The following CIBAR1 variants were observed in gnomAD, a reference collection of about 807,000 sequenced individuals.
CIBAR1 encodes the protein CBY1-interacting BAR domain-containing protein 1.
Under a neutral mutation model 44.0 loss-of-function variants are expected in CIBAR1, and 25 were observed. The ratio of observed to expected loss-of-function variants is 0.57; its 90% CI spans 0.41 to 0.79. CIBAR1 has a LOEUF of 0.79. CIBAR1 is among the 30% of genes least tolerant of loss of function. The probability of loss-of-function intolerance (pLI) is 0.00; values close to 1 mark genes in which losing one functional copy is unlikely to be tolerated. For synonymous variants in CIBAR1, 115 were observed against 119.0 expected (o/e 0.97, Z 0.22); for missense variants, 278 against 344.8 (o/e 0.81, Z 1.53).
chr8:93,703,398 G>A (rs749237026), intron 2 of CIBAR1, among the ~76,000 whole-genome samples: 21 of 152,128 alleles, frequency 1.4e-4, no homozygotes, highest in Non-Finnish European at 3.1e-4. Flanking sequence ...GTAATCCTAA[G>A]ATGATGATGT....
At chr8:93,703,260 T>G (rs1319797419) in intron 2 of CIBAR1, among the ~76,000 whole-genome samples, 1 of 152,218 alleles carries the variant, frequency 6.6e-6, no homozygotes, top group African/African-American at 2.4e-5. Flanking sequence ...TCTGAAAAGT[T>G]GAGCTATTAC....
intron 4 of CIBAR1, chr8:93,705,447 C>G (rs1810541831): frequency 6.2e-6 from 1 of 161,168 alleles, no homozygotes; most frequent in Non-Finnish European, 1.3e-5. Flanking sequence ...TATGTGACAT[C>G]ATGACTTCCA....
chr8:93,701,603 G>T, intron 2 of CIBAR1, 145 bp downstream of exon 2: 1 of 693,598 alleles, frequency 1.4e-6, no homozygotes, highest in Non-Finnish European at 2.5e-6. Context: ...AAGACTGTGT[G>T]AGTCTATTAA....
intron 8 of CIBAR1, 51 bp from the exon 9 acceptor site, chr8:93,728,154 A>C: frequency 8.4e-7 from 1 of 1,197,068 alleles, no homozygotes; most frequent in Non-Finnish European, 1.1e-6. Context: ...AGAATGTAAA[A>C]TTTTTTTAAG....
intron 7 of CIBAR1, chr8:93,720,837 C>T (rs1349332577): frequency 2.6e-5 from 4 of 152,018 alleles, no homozygotes; most frequent in Admixed American, 6.6e-5. Flanking sequence ...TGCCACTGCA[C>T]TCTAGCCTGG....
chr8:93,709,536 G>GT (rs932923894), intron 5 of CIBAR1, among the ~76,000 whole-genome samples: 13 of 152,200 alleles, frequency 8.5e-5, no homozygotes, highest in African/African-American at 3.1e-4. Flanking sequence ...TTTGGGGGTA[G>GT]TTTTTGTTCT....
At chr8:93,727,651 GACAA>G (rs1042697681) in intron 8 of CIBAR1, among the ~76,000 whole-genome samples, 1 of 152,120 alleles carries the variant, frequency 6.6e-6, no homozygotes, top group Non-Finnish European at 1.5e-5. Context: ...CCCCAATACT[GACAA>G]ACAACAGTGT....
At chr8:93,700,700 G>T in intron 1 of CIBAR1, 27 bp downstream of exon 1, 1 of 1,495,562 alleles carries the variant, frequency 6.7e-7, no homozygotes, top group Non-Finnish European at 8.9e-7. Context: ...AGCTGCCCAG[G>T]GCCGCCCACA....
rs1461472982 is a variant in CIBAR1, at chr8:93,730,616, G to A, written c.*2319G>A. The A allele has an allele frequency of 6.6e-6, 1 of 152,074 alleles. No homozygotes were observed. Among genetic ancestry groups the A allele is most frequent in the Non-Finnish European group, 1.5e-5 (1 of 68,016 alleles). The allele number at this position is 152,074 out of a possible 1,614,324, so 9.4% of individuals were successfully genotyped here. On this transcript the variant is annotated 3_prime_UTR_variant, in exon 9 of 9. Transcript: ENST00000518322. ...TGAGGTGCTGGGAAGCTGGCTTTCTGAGGGGACAACAGGAGGGGAATTCCT... is the reference window on the plus strand; with the variant it reads ...TGAGGTGCTGGGAAGCTGGCTTTCTAAGGGGACAACAGGAGGGGAATTCCT...
intron 5 of CIBAR1, among the ~76,000 whole-genome samples, chr8:93,709,037 G>A (rs909676022): frequency 6.6e-6 from 1 of 152,136 alleles, no homozygotes; most frequent in Non-Finnish European, 1.5e-5. Flanking sequence ...CCTGCACTTC[G>A]GGAGGCTGAG....
intron 7 of CIBAR1, among the ~76,000 whole-genome samples, chr8:93,725,056 C>T (rs1254011332): frequency 1.3e-5 from 2 of 152,090 alleles, no homozygotes. Flanking sequence ...GATCTTGGCT[C>T]ACTGCAACCT....
chr8:93,711,459 G>A (rs1357058449), intron 6 of CIBAR1, among the ~76,000 whole-genome samples: 4 of 151,858 alleles, frequency 2.6e-5, no homozygotes, highest in Non-Finnish European at 5.9e-5. Flanking sequence ...TTAGTCACAG[G>A]CTCTGTACTC....
Position 93,703,676 on chromosome 8 carries a change from G to A in CIBAR1, c.318G>A (p.Val106=). The A allele has an allele frequency of 6.4e-7, 1 of 1,552,960 alleles. No individual in the cohort carries two copies. Among genetic ancestry groups the A allele is most frequent in the Middle Eastern group, 1.7e-4 (1 of 5,960 alleles). ...VEPLKTYGTI[V]KMKRDDLKAT... ...CCTTGAAAACTTATGGGACCATTGT[G>A]AAAATGAAACGGGTAAGTAAATCCA... The change falls in exon 3 of 9, where the codon GTG becomes GTA. Residue 106 remains valine, a synonymous_variant. Coordinates refer to ENST00000518322, the MANE Select transcript of CIBAR1 (RefSeq NM_145269.5).
At position 93,728,613 on chromosome 8, in the gene CIBAR1, A is replaced by G. The variant is rs572854361; in HGVS notation, c.*316A>G. 6.3e-5 allele frequency: 11 copies of G among 175,944 alleles called. No individual in the cohort carries two copies. The East Asian group carries it at 1.7e-3, about 27-fold the overall frequency. The allele number at this position is 175,944 out of a possible 1,614,324, so 10.9% of individuals were successfully genotyped here. A position where few individuals can be genotyped will look rare whatever the true frequency, so the allele number is the denominator to read the frequency against. ...CAATAGTACATTATGACAGAAACCA[A>G]AAGATCTAACAATTCTGCTTAGCTT... On this transcript the variant is annotated 3_prime_UTR_variant, in exon 9 of 9. Coordinates refer to ENST00000518322, the MANE Select transcript of CIBAR1 (RefSeq NM_145269.5).
In CIBAR1 at chr8:93,709,808, G is replaced by A. The variant is rs1454751502; in HGVS notation, c.476G>A (p.Ser159Asn). Residue 159 changes from serine (S) to asparagine (N), a missense_variant, in exon 6 of 9, where the codon AGC becomes AAC. Around this residue, in one of 3 missense-constraint regions of CIBAR1, gnomAD observed 183 missense variants for 218.6 expected, o/e 0.84. Transcript: ENST00000518322. ...TELQRAAMDA[S>N]RTSRHLEETI... The stretch of plus-strand genomic sequence containing the variant: ...TTACAGAGAGCTGCAATGGATGCTA[G>A]CCGAACAAGTCGTCATCTGGAGGAA... The A allele has an allele frequency of 2.5e-6, 4 of 1,613,362 alleles. No homozygotes were observed. Among genetic ancestry groups the A allele is most frequent in the African/African-American group, 2.7e-5 (2 of 74,880 alleles).
chr8:93,717,077 G>A (rs1484165998), intron 6 of CIBAR1, among the ~76,000 whole-genome samples: 1 of 152,210 alleles, frequency 6.6e-6, no homozygotes, highest in Non-Finnish European at 1.5e-5. Flanking sequence ...TGGGACACCT[G>A]GACCCAAGGG....
At chr8:93,709,713 A>G in intron 5 of CIBAR1, 58 bp from the exon 6 acceptor site, 4 of 1,437,846 alleles carry the variant, frequency 2.8e-6, no homozygotes, top group Non-Finnish European at 3.9e-6. Flanking sequence ...AGTAGGCTCA[A>G]TTGAATGAAT....
chr8:93,701,731 G>C (rs1810366017), intron 2 of CIBAR1: 1 of 447,492 alleles, frequency 2.2e-6, no homozygotes, highest in South Asian at 2.7e-5. Context: ...TGTTTACTGG[G>C]GGTAGTGGGA....
At chr8:93,704,804 G>A (rs1810514939) in intron 3 of CIBAR1, 105 bp from the exon 4 acceptor site, 6 of 640,594 alleles carry the variant, frequency 9.4e-6, no homozygotes, top group African/African-American at 9.2e-5. Flanking sequence ...CACACAAGAA[G>A]TATTCTTCCA....
Sources: allele counts gnomAD v4.1 joint callset (sites outside exome capture counted in the v4.1 genomes callset), GRCh38; gene constraint gnomAD v4.1.1; regional missense constraint gnomAD v4.1.1; transcripts MANE v1.5; gene names NCBI Gene and HGNC (gene_info 2026-07-23, HGNC 2026-07-21).